Variants in GRAMD2B observed in about 807,000 individuals in gnomAD.
GRAMD2B encodes GRAM domain containing 2B.
GRAMD2B carries 41 observed loss-of-function variants against 59.2 expected under a neutral mutation model. The observed-to-expected ratio is 0.69, with a 90% CI of 0.54 to 0.90. The LOEUF (loss-of-function observed/expected upper bound fraction) is 0.90. Ranked by LOEUF, GRAMD2B falls within the 40% of genes least tolerant of loss-of-function variation. The probability of loss-of-function intolerance (pLI) is 0.00; values close to 1 mark genes in which losing one functional copy is unlikely to be tolerated. For missense variants in GRAMD2B, 424 were observed against 500.5 expected (o/e 0.85, Z 1.46); for synonymous variants, 161 against 182.7 (o/e 0.88, Z 0.96).
At position 126,363,397 on chromosome 5, in the gene GRAMD2B, G is replaced by GA; in HGVS notation, c.128+2945dup. 2.6e-5 allele frequency among the ~76,000 whole-genome samples: 4 copies of GA among 152,128 alleles called. 1 individual carries two copies. The highest frequency in any genetic ancestry group is 2.6e-4 in the Admixed American group (4 of 15,282). The stretch of plus-strand genomic sequence containing the variant: ...AATGTAAAATGTTACGACCATTTTG[G>GA]AAAAAAAGTTTGTCAGTTCCTCAAA... On this transcript the variant is annotated intron_variant, in intron 1 of 13. Transcript: ENST00000513040.
upstream of GRAMD2B, among the ~76,000 whole-genome samples, chr5:126,366,846 C>CTTTTTTTTTTTTTTTTTTTTT (rs59718576): frequency 5.6e-5 from 6 of 107,682 alleles, no homozygotes; most frequent in Non-Finnish European, 7.2e-5. Flanking sequence ...CAGACCAAGG[C>CTTTTTTTTTTTTTTTTTTTTT]TTTTTTTTTT....
At chr5:126,367,056 C>T (rs1355683435), upstream of GRAMD2B, among the ~76,000 whole-genome samples, 3 of 151,824 alleles carry the variant, frequency 2.0e-5, no homozygotes, top group Non-Finnish European at 4.4e-5. Context: ...GTGGTTTCAC[C>T]ATGTTGGCCA....
chr5:126,384,675 C>T (rs1018223319), intron 1 of GRAMD2B, among the ~76,000 whole-genome samples: 2 of 152,208 alleles, frequency 1.3e-5, no homozygotes, highest in African/African-American at 4.8e-5. Flanking sequence ...TCAGCTTCCC[C>T]AGTCATATCT....
In GRAMD2B at chr5:126,493,204, T is replaced by C. The variant is rs1387249528; in HGVS notation, c.*248T>C. On this transcript the variant is annotated 3_prime_UTR_variant, in exon 14 of 14. Coordinates refer to ENST00000285689, the MANE Select transcript of GRAMD2B (RefSeq NM_023927.4). ...CTTTTGCCTGAAGAAAACAGACCCA[T>C]CTCTGGAGGTCTCAGGAAGGGCCCA... 4.1e-6 allele frequency: 2 copies of C among 491,066 alleles called. No individual in the cohort carries two copies. The highest frequency in any genetic ancestry group is 3.4e-5 in the East Asian group (1 of 29,188). 30.4% of individuals were successfully genotyped at this position (491,066 alleles called of 1,614,324 possible).
intron 1 of GRAMD2B, among the ~76,000 whole-genome samples, chr5:126,417,899 C>T (rs568751516): frequency 2.0e-5 from 3 of 151,606 alleles, no homozygotes; most frequent in East Asian, 1.9e-4. Context: ...TCTCATGAGA[C>T]GACTGTAATT....
chr5:126,393,895 T>C (rs1056208878), intron 1 of GRAMD2B, among the ~76,000 whole-genome samples: 3 of 152,038 alleles, frequency 2.0e-5, no homozygotes, highest in African/African-American at 4.8e-5. Flanking sequence ...CTGAGTACCA[T>C]GTAAAGGTGA....
intron 1 of GRAMD2B, among the ~76,000 whole-genome samples, chr5:126,379,127 G>T (rs1193348187): frequency 6.6e-6 from 1 of 150,584 alleles, no homozygotes; most frequent in Non-Finnish European, 1.5e-5. Flanking sequence ...TCATATCTTA[G>T]CTCCCACTTA....
intron 1 of GRAMD2B, among the ~76,000 whole-genome samples, chr5:126,435,990 G>A (rs1762346579): frequency 6.6e-6 from 1 of 152,224 alleles, no homozygotes; most frequent in Non-Finnish European, 1.5e-5. Flanking sequence ...TAGCAGAGAT[G>A]CCTAATGGGG....
At chr5:126,401,607 C>A (rs990902486) in intron 1 of GRAMD2B, among the ~76,000 whole-genome samples, 1 of 151,988 alleles carries the variant, frequency 6.6e-6, no homozygotes, top group African/African-American at 2.4e-5. Context: ...AGAGAAAGAC[C>A]TTTACCAGTC....
chr5:126,470,099 G>A (rs1315923746), intron 3 of GRAMD2B, among the ~76,000 whole-genome samples: 4 of 152,160 alleles, frequency 2.6e-5, no homozygotes, highest in Admixed American at 6.5e-5. Context: ...GCAGGACAAG[G>A]GGAGTTGTGA....
At chr5:126,406,337 C>G (rs1758265227) in intron 1 of GRAMD2B, among the ~76,000 whole-genome samples, 1 of 151,308 alleles carries the variant, frequency 6.6e-6, no homozygotes, top group South Asian at 2.1e-4. Flanking sequence ...CACATGTACC[C>G]TAAAACTTAA....
At chr5:126,447,310 TC>T (rs1163406675) in intron 1 of GRAMD2B, among the ~76,000 whole-genome samples, 1 of 152,092 alleles carries the variant, frequency 6.6e-6, no homozygotes, top group African/African-American at 2.4e-5. Flanking sequence ...GTGAAGTACA[TC>T]CATTCCTATT....
intron 1 of GRAMD2B, among the ~76,000 whole-genome samples, chr5:126,431,375 A>G (rs2149801768): frequency 6.6e-6 from 1 of 152,334 alleles, no homozygotes; most frequent in Admixed American, 6.5e-5. Context: ...TTATCCACCC[A>G]TAAAATGAAT....
At chr5:126,478,851 AGC>A (rs1771158942) in intron 6 of GRAMD2B, among the ~76,000 whole-genome samples, 1 of 152,212 alleles carries the variant, frequency 6.6e-6, no homozygotes, top group Admixed American at 6.5e-5. Flanking sequence ...GGGGGTGGCC[AGC>A]CTCCCCATAA....
chr5:126,360,557 TC>T, intron 1 of GRAMD2B: 1 of 1,196,262 alleles, frequency 8.4e-7, no homozygotes, highest in Non-Finnish European at 1.2e-6. Flanking sequence ...ACAGAGTGTC[TC>T]CACATGGAGA....
chr5:126,474,810 G>A (rs1348248418), intron 5 of GRAMD2B, among the ~76,000 whole-genome samples: 1 of 152,178 alleles, frequency 6.6e-6, no homozygotes, highest in Non-Finnish European at 1.5e-5. Flanking sequence ...AGTGACCCTG[G>A]TTTTTTGAAG....
chr5:126,443,076 T>C (rs1763573575), intron 1 of GRAMD2B, among the ~76,000 whole-genome samples: 1 of 152,172 alleles, frequency 6.6e-6, no homozygotes, highest in Non-Finnish European at 1.5e-5. Context: ...CAGCCCTCCT[T>C]AGAAGATTGC....
At chr5:126,432,512 G>A (rs1340645828) in intron 1 of GRAMD2B, among the ~76,000 whole-genome samples, 5 of 152,060 alleles carry the variant, frequency 3.3e-5, no homozygotes, top group African/African-American at 9.7e-5. Context: ...GCTATATATC[G>A]ATAGTGATGA....
chr5:126,475,379 C>T (rs772397966), intron 5 of GRAMD2B, among the ~76,000 whole-genome samples: 5 of 152,166 alleles, frequency 3.3e-5, no homozygotes, highest in African/African-American at 7.2e-5. Context: ...AGCCCTTTGT[C>T]ACTGCATGTT....
Sources: gnomAD v4.1 joint callset for allele counts (sites outside exome capture counted in the v4.1 genomes callset) on GRCh38, gnomAD v4.1.1 for gene constraint, MANE v1.5 for transcripts, NCBI Gene and HGNC (gene_info 2026-07-23, HGNC 2026-07-21) for gene names.